UTRN: variants seen among roughly 807,000 people sequenced by gnomAD.
The protein encoded by UTRN is utrophin.
Under a neutral mutation model 463.9 loss-of-function variants are expected in UTRN, and 283 were observed. The observed-to-expected ratio is 0.61, with a 90% CI of 0.55 to 0.67. The LOEUF (loss-of-function observed/expected upper bound fraction) is 0.67. Ranked by LOEUF, UTRN falls within the 30% of genes least tolerant of loss-of-function variation. The probability of loss-of-function intolerance (pLI) is 0.00; values close to 1 mark genes in which losing one functional copy is unlikely to be tolerated. For missense variants in UTRN, 3,922 were observed against 4,084.3 expected (o/e 0.96, Z 1.08); for synonymous variants, 1,442 against 1,431.5 (o/e 1.01, Z -0.17).
At position 144,851,338 on chromosome 6, in the gene UTRN, G is replaced by A. The variant is rs562726815; in HGVS notation, c.*341G>A. On this transcript the variant is annotated 3_prime_UTR_variant, in exon 75 of 75. Coordinates refer to ENST00000367545, the MANE Select transcript of UTRN (RefSeq NM_007124.3). Reference sequence around the variant, plus strand: ...GGTGGGGGCTTTCTAATATGATACCGTCTTTTTAATAACTATGACAAAGCT... The same window carrying A: ...GGTGGGGGCTTTCTAATATGATACCATCTTTTTAATAACTATGACAAAGCT... The A allele has an allele frequency of 1.8e-4, 44 of 249,776 alleles. No individual in the cohort carries two copies. The highest frequency in any genetic ancestry group is 2.6e-4 in the Non-Finnish European group (34 of 129,802). 15.5% of individuals were successfully genotyped at this position (249,776 alleles called of 1,614,324 possible).
At chr6:144,534,080 A>G (rs1242863945) in intron 43 of UTRN, among the ~76,000 whole-genome samples, 1 of 152,196 alleles carries the variant, frequency 6.6e-6, no homozygotes, top group Non-Finnish European at 1.5e-5. Flanking sequence ...GGCCAATCTA[A>G]TACTTTATCA....
At chr6:144,332,498 C>G (rs560106947) in intron 2 of UTRN, among the ~76,000 whole-genome samples, 1 of 152,038 alleles carries the variant, frequency 6.6e-6, no homozygotes, top group South Asian at 2.1e-4. Flanking sequence ...CATTAAGAAC[C>G]CTAGTCAAGA....
At chr6:144,424,298 C>T (rs1016099201) in intron 6 of UTRN, among the ~76,000 whole-genome samples, 1 of 152,148 alleles carries the variant, frequency 6.6e-6, no homozygotes, top group African/African-American at 2.4e-5. Flanking sequence ...GGCCTTGCCC[C>T]CAAATTCTGG....
intron 50 of UTRN, among the ~76,000 whole-genome samples, chr6:144,561,332 TTATACACACACA>T (rs1419552196): frequency 1.3e-4 from 19 of 144,306 alleles, no homozygotes; most frequent in South Asian, 1.1e-3. Context: ...ATGTGTGTGT[TTATACACACACA>T]TATACACACA....
intron 19 of UTRN, among the ~76,000 whole-genome samples, chr6:144,457,586 G>A (rs770103698): frequency 2.6e-5 from 4 of 152,180 alleles, no homozygotes; most frequent in Non-Finnish European, 5.9e-5. Flanking sequence ...AGCATGGCTT[G>A]TGGTGTGAAT....
chr6:144,672,354 G>A (rs1259407176), intron 51 of UTRN, among the ~76,000 whole-genome samples: 6 of 151,372 alleles, frequency 4.0e-5, no homozygotes, highest in South Asian at 2.1e-4. Flanking sequence ...AGTCTATTCC[G>A]AGTTTCTCTT....
At chr6:144,742,721 A>G (rs1209894621) in intron 54 of UTRN, among the ~76,000 whole-genome samples, 2 of 152,208 alleles carry the variant, frequency 1.3e-5, no homozygotes, top group Non-Finnish European at 2.9e-5. Context: ...ACTGAGGTTG[A>G]AAGAGATAAG....
At chr6:144,421,163 T>C (rs1450925824) in intron 3 of UTRN, among the ~76,000 whole-genome samples, 1 of 152,080 alleles carries the variant, frequency 6.6e-6, no homozygotes, top group African/African-American at 2.4e-5. Flanking sequence ...CCTACCGCCA[T>C]GCCCGGCTAA....
chr6:144,436,928 G>GTA (rs1490259681), intron 10 of UTRN, among the ~76,000 whole-genome samples: 2 of 142,326 alleles, frequency 1.4e-5, no homozygotes, highest in Non-Finnish European at 3.0e-5. Context: ...ATATGTATAT[G>GTA]TATATGTGTG....
intron 23 of UTRN, among the ~76,000 whole-genome samples, chr6:144,466,712 C>T (rs1789997398): frequency 6.6e-6 from 1 of 152,202 alleles, no homozygotes; most frequent in Admixed American, 6.5e-5. Flanking sequence ...TATCTCTCCT[C>T]ACCAGTAGTA....
chr6:144,759,667 G>A (rs1044896000), intron 58 of UTRN, among the ~76,000 whole-genome samples: 1 of 152,080 alleles, frequency 6.6e-6, no homozygotes, highest in Admixed American at 6.6e-5. Flanking sequence ...CTTTAAAAGT[G>A]GCAGGGGAGG....
chr6:144,593,637 G>A lies in UTRN; in HGVS notation c.7479+16349G>A, dbSNP rs147765383. ...AATTCCAAGAACTCAGCCATGACTT[G>A]GCCTTAGGCTGCCTGTCTCCAGACC... On this transcript the variant is annotated intron_variant, in intron 51 of 74. Transcript: ENST00000367545. 2.2e-3 allele frequency among the ~76,000 whole-genome samples: 335 copies of A among 152,282 alleles called. 2 individuals are homozygous for A. Among genetic ancestry groups the A allele is most frequent in the African/African-American group, 7.6e-3 (316 of 41,556 alleles).
intron 23 of UTRN, among the ~76,000 whole-genome samples, chr6:144,470,853 C>T (rs1027374388): frequency 6.6e-5 from 10 of 151,944 alleles, no homozygotes; most frequent in African/African-American, 1.2e-4. Flanking sequence ...GGCGAAACCC[C>T]GTCTCCACCA....
intron 51 of UTRN, among the ~76,000 whole-genome samples, chr6:144,604,838 G>A (rs1057037779): frequency 1.3e-5 from 2 of 151,930 alleles, no homozygotes; most frequent in Admixed American, 6.6e-5. Flanking sequence ...TCACTTGAAC[G>A]CGGGAGGCAG....
At chr6:144,483,843 C>A (rs540932188) in intron 27 of UTRN, among the ~76,000 whole-genome samples, 3 of 152,158 alleles carry the variant, frequency 2.0e-5, no homozygotes, top group African/African-American at 7.2e-5. Context: ...ACAACACATA[C>A]CCCCCTCCAA....
intron 58 of UTRN, among the ~76,000 whole-genome samples, chr6:144,761,376 C>T (rs1000666968): frequency 6.6e-6 from 1 of 152,000 alleles, no homozygotes; most frequent in East Asian, 1.9e-4. Flanking sequence ...TAAAATGGGG[C>T]CGGGTGCAGT....
chr6:144,577,992 C>T (rs1019547923), intron 51 of UTRN, among the ~76,000 whole-genome samples: 6 of 152,082 alleles, frequency 3.9e-5, no homozygotes, highest in Non-Finnish European at 8.8e-5. Context: ...CACCTGAGGT[C>T]AGGAGTTTGA....
chr6:144,790,146 A>G (rs944021788), intron 62 of UTRN, among the ~76,000 whole-genome samples: 2 of 152,238 alleles, frequency 1.3e-5, no homozygotes, highest in Non-Finnish European at 2.9e-5. Flanking sequence ...ACCTAGAAAT[A>G]GCAGTTGTTG....
intron 2 of UTRN, among the ~76,000 whole-genome samples, chr6:144,361,501 G>C (rs978951382): frequency 1.3e-5 from 2 of 152,188 alleles, no homozygotes; most frequent in African/African-American, 4.8e-5. Context: ...TTCCAGGGAA[G>C]ACCAGGTGGA....
Sources: allele counts gnomAD v4.1 joint callset (sites outside exome capture counted in the v4.1 genomes callset), GRCh38; gene constraint gnomAD v4.1.1; transcripts MANE v1.5; gene names NCBI Gene and HGNC (gene_info 2026-07-23, HGNC 2026-07-21).